NR6A1: variants seen among roughly 807,000 people sequenced by gnomAD.
The protein encoded by NR6A1 is nuclear receptor subfamily 6 group A member 1, also known as retinoic acid receptor-related testis-associated receptor.
NR6A1 carries 7 observed loss-of-function variants against 59.1 expected under a neutral mutation model. The observed-to-expected ratio is 0.12, with a 90% CI of 0.07 to 0.22. The LOEUF is 0.22. NR6A1 is among the 10% of genes least tolerant of loss of function. The pLI, the probability that NR6A1 is intolerant of heterozygous loss-of-function variation, is 1.00. For missense variants in NR6A1, 468 were observed against 611.6 expected, an observed-to-expected ratio of 0.77 and a Z score of 2.48; for synonymous variants, 243 against 236.1, an observed-to-expected ratio of 1.03 and a Z score of -0.27.
At chr9:124,761,727 C>T (rs1045484474) in intron 1 of NR6A1, among the ~76,000 whole-genome samples, 1 of 152,144 alleles carries the variant, frequency 6.6e-6, no homozygotes, top group African/African-American at 2.4e-5. Flanking sequence ...TTAAAAAGCA[C>T]GATAGGATCT....
intron 2 of NR6A1, among the ~76,000 whole-genome samples, chr9:124,677,108 A>G (rs1403899188): frequency 2.0e-5 from 3 of 151,588 alleles, no homozygotes; most frequent in African/African-American, 7.3e-5. Flanking sequence ...GTTAAAGAAG[A>G]AAAAAAAAGG....
intron 2 of NR6A1, among the ~76,000 whole-genome samples, chr9:124,685,774 A>G (rs1169235326): frequency 6.6e-6 from 1 of 152,224 alleles, no homozygotes; most frequent in African/African-American, 2.4e-5. Flanking sequence ...CCCATTCATG[A>G]TTAGCATTCC....
At chr9:124,601,073 CA>C (rs1416442081) in intron 2 of NR6A1, among the ~76,000 whole-genome samples, 2 of 150,926 alleles carry the variant, frequency 1.3e-5, no homozygotes, top group African/African-American at 2.4e-5. Context: ...GTCAGAAGTT[CA>C]AAACCAGCCT....
At chr9:124,725,752 G>A (rs781413024) in intron 2 of NR6A1, among the ~76,000 whole-genome samples, 1 of 152,172 alleles carries the variant, frequency 6.6e-6, no homozygotes, top group African/African-American at 2.4e-5. Context: ...AGCCTGGAGA[G>A]CATGGCAAAA....
intron 2 of NR6A1, among the ~76,000 whole-genome samples, chr9:124,650,304 G>A (rs1018212826): frequency 1.3e-5 from 2 of 152,138 alleles, no homozygotes; most frequent in African/African-American, 4.8e-5. Flanking sequence ...CAACATGGAT[G>A]GAACTGTTAA....
chr9:124,526,288 ATGTGTGTGTGTG>A (rs3050281), intron 8 of NR6A1, among the ~76,000 whole-genome samples: 7 of 146,562 alleles, frequency 4.8e-5, no homozygotes, highest in East Asian at 2.0e-4. Flanking sequence ...GTATGTGTGT[ATGTGTGTGTGTG>A]TGTGTGTGTG....
intron 2 of NR6A1, among the ~76,000 whole-genome samples, chr9:124,638,367 A>G (rs1836680107): frequency 1.3e-5 from 2 of 152,164 alleles, no homozygotes; most frequent in South Asian, 4.1e-4. Flanking sequence ...TAAAACACAG[A>G]AATAATAAGA....
chr9:124,726,520 C>G (rs1423218298), intron 2 of NR6A1, among the ~76,000 whole-genome samples: 1 of 152,186 alleles, frequency 6.6e-6, no homozygotes, highest in Non-Finnish European at 1.5e-5. Flanking sequence ...CTACATCGGC[C>G]ACATTTCAGA....
intron 1 of NR6A1, among the ~76,000 whole-genome samples, chr9:124,767,844 T>C (rs1840983799): frequency 1.3e-5 from 2 of 152,246 alleles, no homozygotes; most frequent in African/African-American, 4.8e-5. Flanking sequence ...ATAACCTTCC[T>C]TTGCCTTCCT....
chr9:124,683,666 A>G (rs1838241803), intron 2 of NR6A1, among the ~76,000 whole-genome samples: 1 of 152,172 alleles, frequency 6.6e-6, no homozygotes, highest in East Asian at 1.9e-4. Context: ...TGGTGGCACC[A>G]CCTGTAATCC....
At chr9:124,730,695 A>T (rs931592779) in intron 2 of NR6A1, among the ~76,000 whole-genome samples, 1 of 151,868 alleles carries the variant, frequency 6.6e-6, no homozygotes, top group Non-Finnish European at 1.5e-5. Context: ...ATGTTTAATG[A>T]GCTGGTATTA....
At chr9:124,603,988 T>C (rs771415789) in intron 2 of NR6A1, among the ~76,000 whole-genome samples, 1 of 152,170 alleles carries the variant, frequency 6.6e-6, no homozygotes, top group Non-Finnish European at 1.5e-5. Flanking sequence ...CCCTTTCCAC[T>C]CTACTAAAAA....
chr9:124,524,707 A>AC lies in NR6A1; in HGVS notation c.1354+13dup, dbSNP rs1433080754. The AC allele has an allele frequency of 2.5e-6, 4 of 1,612,162 alleles. No individual in the cohort carries two copies. The highest frequency in any genetic ancestry group is 1.7e-6 in the Non-Finnish European group (2 of 1,178,966). On this transcript the variant is annotated intron_variant, in intron 9 of 9. Coordinates refer to ENST00000487099, the MANE Select transcript of NR6A1 (RefSeq NM_033334.4). Reference sequence around the variant, plus strand: ...AGCAAGGAAGGGTTGGGAGCCCAAGACCCAGAATGTTACCTGCAATATATC... The same window carrying AC: ...AGCAAGGAAGGGTTGGGAGCCCAAGACCCCAGAATGTTACCTGCAATATATC...
At chr9:124,636,660 G>C (rs536126952) in intron 2 of NR6A1, among the ~76,000 whole-genome samples, 1 of 152,142 alleles carries the variant, frequency 6.6e-6, no homozygotes, top group South Asian at 2.1e-4. Flanking sequence ...AGCACCACCT[G>C]TTGAAAGAAA....
intron 2 of NR6A1, among the ~76,000 whole-genome samples, chr9:124,700,754 CTTTTTTT>C (rs35704226): frequency 1.1e-5 from 1 of 91,274 alleles, no homozygotes; most frequent in Non-Finnish European, 2.0e-5. Context: ...TTTACATAGC[CTTTTTTT>C]TTTTTTTTTT....
intron 2 of NR6A1, among the ~76,000 whole-genome samples, chr9:124,729,577 C>G (rs925902556): frequency 3.9e-5 from 6 of 152,006 alleles, no homozygotes; most frequent in Non-Finnish European, 8.8e-5. Context: ...GAGTAAGACC[C>G]TGTCTCAAAA....
intron 2 of NR6A1, among the ~76,000 whole-genome samples, chr9:124,624,912 G>GTTTTTTTT (rs71492418): frequency 7.4e-6 from 1 of 134,854 alleles, no homozygotes. Flanking sequence ...TTGCTAGCTT[G>GTTTTTTTT]TTTTTTTTTT....
intron 2 of NR6A1, among the ~76,000 whole-genome samples, chr9:124,637,892 CAAA>C (rs796714741): frequency 3.8e-5 from 3 of 78,972 alleles, no homozygotes; most frequent in Admixed American, 1.8e-4. Context: ...ACTCCCTCTC[CAAA>C]AAAAAAAAAA....
At chr9:124,548,651 G>A (rs986839607) in intron 3 of NR6A1, among the ~76,000 whole-genome samples, 31 of 152,072 alleles carry the variant, frequency 2.0e-4, no homozygotes, top group African/African-American at 7.5e-4. Context: ...TTGTGTCCTG[G>A]GGCACTTTTT....
Sources: allele counts gnomAD v4.1 joint callset (sites outside exome capture counted in the v4.1 genomes callset), GRCh38; gene constraint gnomAD v4.1.1; transcripts MANE v1.5; gene names NCBI Gene and HGNC (gene_info 2026-07-23, HGNC 2026-07-21).